The following HNRNPAB variants were observed in gnomAD, a reference collection of about 807,000 sequenced individuals.
The protein encoded by HNRNPAB is heterogeneous nuclear ribonucleoprotein A/B.
In HNRNPAB, 17 loss-of-function variants were observed where a neutral mutation model predicts 44.1. The ratio of observed to expected loss-of-function variants is 0.39; its 90% CI spans 0.26 to 0.58. The LOEUF is 0.58. Ranked by LOEUF, HNRNPAB falls within the 20% of genes least tolerant of loss-of-function variation. The pLI, the probability that HNRNPAB is intolerant of heterozygous loss-of-function variation, is 0.63. For missense variants in HNRNPAB, 393 were observed against 432.7 expected (o/e 0.91, Z 0.81); for synonymous variants, 183 against 167.6 (o/e 1.09, Z -0.71).
intron 5 of HNRNPAB, among the ~76,000 whole-genome samples, 197 bp downstream of exon 5, chr5:178,207,422 AAAC>A (rs1316589066): frequency 6.6e-6 from 1 of 152,214 alleles, no homozygotes; most frequent in Admixed American, 6.5e-5. Context: ...GACTGCCAAT[AAAC>A]AACACAGGAT....
At chr5:178,206,083 C>A in intron 3 of HNRNPAB, 73 bp downstream of exon 3, 1 of 1,412,962 alleles carries the variant, frequency 7.1e-7, no homozygotes, top group Non-Finnish European at 9.9e-7. Flanking sequence ...TTTCTTAAAG[C>A]ATGACTAGTT....
intron 5 of HNRNPAB, 21 bp downstream of exon 5, chr5:178,207,246 C>T (rs1561662193): frequency 6.2e-7 from 1 of 1,612,984 alleles, no homozygotes; most frequent in Non-Finnish European, 8.5e-7. Context: ...CCCAGCTCTG[C>T]TTGGCCTCCT....
chr5:178,207,330 CAG>C, intron 5 of HNRNPAB, 105 bp downstream of exon 5: 13 of 1,360,674 alleles, frequency 9.6e-6, no homozygotes, highest in Non-Finnish European at 1.3e-5. Context: ...CCAGGTTGGT[CAG>C]ACTTTACTAT....
chr5:178,206,677 G>C, intron 3 of HNRNPAB, 55 bp from the exon 4 acceptor site: 2 of 1,556,664 alleles, frequency 1.3e-6, no homozygotes, highest in Admixed American at 3.4e-5. Flanking sequence ...TTAGAGAGAA[G>C]GGCCTTGTCT....
intron 7 of HNRNPAB, 48 bp from the exon 8 acceptor site, chr5:178,210,505 G>A: frequency 1.3e-6 from 2 of 1,579,970 alleles, no homozygotes; most frequent in Non-Finnish European, 8.7e-7. Flanking sequence ...GCGTGGCACA[G>A]GGCAAATGCT....
intron 4 of HNRNPAB, 71 bp from the exon 5 acceptor site, chr5:178,207,023 T>A: frequency 6.3e-7 from 1 of 1,594,694 alleles, no homozygotes; most frequent in Non-Finnish European, 8.6e-7. Flanking sequence ...TGGGGTCTTT[T>A]CTCCTGTGAG....
At chr5:178,208,875 C>G (rs1025996169) in intron 5 of HNRNPAB, 1 of 154,298 alleles carries the variant, frequency 6.5e-6, no homozygotes, top group Non-Finnish European at 1.4e-5. Flanking sequence ...AGGTCAGGCT[C>G]GCCTTCTCAA....
rs758120507 is a variant in HNRNPAB, at chr5:178,210,244, TTACGGC to T, written c.907_912del (p.Tyr303_Gly304del). ...GCTACGACTACTCGCCCTATGGCTATTACGGCTACGGCCCCGGCTACGACTACAGTA... is the reference window on the plus strand; with the variant it reads ...GCTACGACTACTCGCCCTATGGCTATTACGGCCCCGGCTACGACTACAGTA... On this transcript the variant is annotated inframe_deletion, in exon 7 of 8. Coordinates refer to ENST00000358344, the MANE Select transcript of HNRNPAB (RefSeq NM_031266.3). 1.2e-6 allele frequency: 2 copies of T among 1,613,822 alleles called. No individual in the cohort carries two copies. The highest frequency in any genetic ancestry group is 1.7e-6 in the Non-Finnish European group (2 of 1,179,726).
chr5:178,210,388 T>C (rs1757858362), intron 7 of HNRNPAB, 116 bp downstream of exon 7: 10 of 1,572,386 alleles, frequency 6.4e-6, no homozygotes, highest in Non-Finnish European at 8.7e-6. Context: ...GGCTCAGCCA[T>C]GGGAGCTACT....
chr5:178,207,347 C>A, intron 5 of HNRNPAB, 122 bp downstream of exon 5: 1 of 1,181,494 alleles, frequency 8.5e-7, no homozygotes, highest in Non-Finnish European at 1.2e-6. Flanking sequence ...TACTATTTCT[C>A]TGAAGCGTAT....
rs1303542395 is a variant in HNRNPAB, at chr5:178,210,930, G to C, written c.*307G>C. The C allele has an allele frequency of 2.6e-6, 1 of 387,860 alleles. No homozygotes were observed. Among genetic ancestry groups the C allele is most frequent in the Non-Finnish European group, 4.7e-6 (1 of 214,670 alleles). 24.0% of individuals were successfully genotyped at this position (387,860 alleles called of 1,614,324 possible). A position where few individuals can be genotyped will look rare whatever the true frequency, so the allele number is the denominator to read the frequency against. ...TCTGCAGCCTGGACCTGTGGACCCT[G>C]GTTGTAAAGAGTAAATTGTATCTTA... On this transcript the variant is annotated 3_prime_UTR_variant, in exon 8 of 8. Transcript: ENST00000358344.
chr5:178,205,178 C>G, intron 2 of HNRNPAB, 132 bp downstream of exon 2: 1 of 574,798 alleles, frequency 1.7e-6, no homozygotes, highest in Non-Finnish European at 2.4e-6. Flanking sequence ...ACTGTCGCCG[C>G]TGCGTTCGCG....
chr5:178,205,017 C>G lies in HNRNPAB; in HGVS notation c.180C>G (p.Ile60Met). 5.0e-6 allele frequency: 6 copies of G among 1,208,684 alleles called. No homozygotes were observed. Among genetic ancestry groups the G allele is most frequent in the Non-Finnish European group, 6.2e-6 (6 of 972,980 alleles). 74.9% of individuals were successfully genotyped at this position (1,208,684 alleles called of 1,614,324 possible). ...AGAACGGCGCCGAGGGCGACCAGAT[C>G]AACGCCAGCAAGAACGAGGAGGACG... ...GNQNGAEGDQ[I>M]NASKNEEDAG... Residue 60 changes from isoleucine (I) to methionine (M), a missense_variant, in exon 2 of 8, where the codon ATC (isoleucine) becomes ATG (methionine). Transcript: ENST00000358344.
In HNRNPAB at chr5:178,211,045, T is replaced by C. The variant is rs1758175014; in HGVS notation, c.*422T>C. ...AACGGAAGTGTTAATTTTACTGTAC[T>C]TTTTGGTACCTTTTGGGAATCTAAT... On this transcript the variant is annotated 3_prime_UTR_variant, in exon 8 of 8. Transcript: ENST00000358344. 5.2e-6 allele frequency: 1 copy of C among 193,900 alleles called. No homozygotes were observed. Among genetic ancestry groups the C allele is most frequent in the African/African-American group, 2.4e-5 (1 of 42,202 alleles). The allele number at this position is 193,900 out of a possible 1,614,324, so 12.0% of individuals were successfully genotyped here. A position where few individuals can be genotyped will look rare whatever the true frequency, so the allele number is the denominator to read the frequency against.
chr5:178,206,147 T>G (rs919617055), intron 3 of HNRNPAB, 137 bp downstream of exon 3: 9 of 776,196 alleles, frequency 1.2e-5, no homozygotes, highest in Admixed American at 2.6e-5. Flanking sequence ...AGCCGGAGGT[T>G]ATGTTCCGGT....
At chr5:178,210,487 T>C (rs1561672817) in intron 7 of HNRNPAB, 66 bp from the exon 8 acceptor site, 1 of 1,534,932 alleles carries the variant, frequency 6.5e-7, no homozygotes, top group Non-Finnish European at 9.0e-7. Flanking sequence ...GGAAGATGCA[T>C]ATCAAGCGCG....
At chr5:178,205,648 C>T (rs1757026795) in intron 2 of HNRNPAB, 194 bp from the exon 3 acceptor site, 3 of 570,980 alleles carry the variant, frequency 5.3e-6, no homozygotes, top group Non-Finnish European at 9.4e-6. Flanking sequence ...GCTGCAGAGC[C>T]TTGTTAAGCC....
intron 3 of HNRNPAB, among the ~76,000 whole-genome samples, chr5:178,206,483 C>T (rs1166358438): frequency 6.6e-6 from 1 of 152,198 alleles, no homozygotes; most frequent in Non-Finnish European, 1.5e-5. Flanking sequence ...AGATGGGCCT[C>T]ACGCTGGGAC....
chr5:178,206,954 G>T (rs1757090444), intron 4 of HNRNPAB, 64 bp downstream of exon 4: 1 of 1,601,054 alleles, frequency 6.2e-7, no homozygotes, highest in Admixed American at 1.7e-5. Context: ...CTGGTCCTTG[G>T]TATCCTTGGC....
Sources: gnomAD v4.1 joint callset for allele counts (sites outside exome capture counted in the v4.1 genomes callset) on GRCh38, gnomAD v4.1.1 for gene constraint, MANE v1.5 for transcripts, NCBI Gene and HGNC (gene_info 2026-07-23, HGNC 2026-07-21) for gene names.